The following FBXL7 variants were observed in gnomAD, a reference collection of about 807,000 sequenced individuals.
FBXL7 encodes F-box and leucine rich repeat protein 7, also known as F-box/LRR-repeat protein 7.
A neutral mutation model predicts 38.3 loss-of-function variants in FBXL7; 12 were observed. That is an observed-to-expected ratio of 0.31 (90% CI 0.20 to 0.51). The LOEUF (loss-of-function observed/expected upper bound fraction) is 0.51. Among genes scored for constraint, FBXL7 ranks in the 20% least tolerant of loss-of-function variants. The pLI, the probability that FBXL7 is intolerant of heterozygous loss-of-function variation, is 0.98. For synonymous variants in FBXL7, 297 were observed against 300.9 expected, an observed-to-expected ratio of 0.99 and a Z score of 0.13; for missense variants, 567 against 676.4, an observed-to-expected ratio of 0.84 and a Z score of 1.79.
chr5:15,522,912 T>C (rs1737141101), intron 1 of FBXL7, among the ~76,000 whole-genome samples: 1 of 152,246 alleles, frequency 6.6e-6, no homozygotes, highest in Non-Finnish European at 1.5e-5. Flanking sequence ...TTCATAGTTA[T>C]TTGACATTCA....
At chr5:15,790,566 C>A (rs985029283) in intron 2 of FBXL7, among the ~76,000 whole-genome samples, 1 of 152,118 alleles carries the variant, frequency 6.6e-6, no homozygotes, top group African/African-American at 2.4e-5. Flanking sequence ...CAGAGGACTG[C>A]GAACCTAGTC....
chr5:15,855,684 T>C (rs1315139996), intron 2 of FBXL7, among the ~76,000 whole-genome samples: 1 of 152,208 alleles, frequency 6.6e-6, no homozygotes, highest in Admixed American at 6.5e-5. Context: ...GCAGATATTT[T>C]GTAATTAGCA....
chr5:15,516,726 T>A (rs1736947400), intron 1 of FBXL7, among the ~76,000 whole-genome samples: 1 of 152,112 alleles, frequency 6.6e-6, no homozygotes, highest in Non-Finnish European at 1.5e-5. Context: ...GTGGTTACCT[T>A]CATGCTGCTG....
At chr5:15,757,722 C>T (rs1294912351) in intron 2 of FBXL7, among the ~76,000 whole-genome samples, 1 of 152,028 alleles carries the variant, frequency 6.6e-6, no homozygotes, top group Non-Finnish European at 1.5e-5. Context: ...ACTAGAATTT[C>T]CATGACCGTT....
At chr5:15,595,746 C>T (rs570699504) in intron 1 of FBXL7, among the ~76,000 whole-genome samples, 16 of 152,218 alleles carry the variant, frequency 1.1e-4, no homozygotes, top group African/African-American at 3.4e-4. Flanking sequence ...AGATGTAAAT[C>T]GAAGTGCATT....
At chr5:15,717,368 A>G (rs561764273) in intron 2 of FBXL7, among the ~76,000 whole-genome samples, 1 of 152,338 alleles carries the variant, frequency 6.6e-6, no homozygotes, top group South Asian at 2.1e-4. Context: ...AAAATGGAGA[A>G]CTGCTCTGAG....
chr5:15,567,561 C>A (rs1406514412), intron 1 of FBXL7, among the ~76,000 whole-genome samples: 1 of 151,516 alleles, frequency 6.6e-6, no homozygotes, highest in Non-Finnish European at 1.5e-5. Context: ...GAACCTTTTG[C>A]CCTTAAGTCT....
chr5:15,584,537 C>G (rs111819092), intron 1 of FBXL7, among the ~76,000 whole-genome samples: 1 of 152,158 alleles, frequency 6.6e-6, no homozygotes, highest in Non-Finnish European at 1.5e-5. Flanking sequence ...CTGAGACCAC[C>G]TCAGCCTGGA....
intron 2 of FBXL7, among the ~76,000 whole-genome samples, chr5:15,719,381 C>A (rs1744133936): frequency 8.1e-6 from 1 of 122,830 alleles, no homozygotes; most frequent in Non-Finnish European, 1.9e-5. Context: ...TTTCTGATAT[C>A]ATGCTAAGTG....
chr5:15,529,085 C>T (rs1054931903), intron 1 of FBXL7, among the ~76,000 whole-genome samples: 2 of 152,154 alleles, frequency 1.3e-5, no homozygotes, highest in African/African-American at 4.8e-5. Context: ...TCCTTCTACC[C>T]CCGGCACCTG....
chr5:15,574,086 C>T (rs1738879516), intron 1 of FBXL7, among the ~76,000 whole-genome samples: 1 of 152,158 alleles, frequency 6.6e-6, no homozygotes, highest in African/African-American at 2.4e-5. Flanking sequence ...TTTCTATTGT[C>T]TATACCTGTC....
intron 1 of FBXL7, among the ~76,000 whole-genome samples, chr5:15,555,213 GACAC>G (rs1167419411): frequency 1.3e-5 from 2 of 152,096 alleles, no homozygotes; most frequent in Non-Finnish European, 1.5e-5. Flanking sequence ...CAGACAGACA[GACAC>G]ACACACCCCC....
chr5:15,666,623 C>T (rs1742288336), intron 2 of FBXL7, among the ~76,000 whole-genome samples: 1 of 152,172 alleles, frequency 6.6e-6, no homozygotes. Context: ...CCATTTTCCA[C>T]AACTTTTCAA....
intron 1 of FBXL7, among the ~76,000 whole-genome samples, chr5:15,602,884 A>G (rs945791302): frequency 3.9e-5 from 6 of 152,188 alleles, no homozygotes; most frequent in Non-Finnish European, 7.3e-5. Flanking sequence ...CCTAGGCTGG[A>G]GTGCAGTGGC....
chr5:15,552,598 C>G (rs760907149), intron 1 of FBXL7, among the ~76,000 whole-genome samples: 2 of 152,196 alleles, frequency 1.3e-5, no homozygotes, highest in Non-Finnish European at 2.9e-5. Context: ...TATTTTTCTC[C>G]TCTGTATCTG....
chr5:15,733,537 G>T lies in FBXL7; in HGVS notation c.127+117465G>T, dbSNP rs1735669839. Among the ~76,000 whole-genome samples the T allele has an allele frequency of 2.0e-5, 3 of 152,124 alleles. No individual in the cohort carries two copies. In the South Asian group the frequency reaches 6.2e-4, roughly 32 times the overall value. On this transcript the variant is annotated intron_variant, in intron 2 of 3. Coordinates refer to ENST00000504595, the MANE Select transcript of FBXL7 (RefSeq NM_012304.5). ...ATGCCATGAATGGAACACTGTACTG[G>T]GAAGAGTTAATGCAACAAAAATGAC...
chr5:15,930,754 C>T (rs1742017540), intron 3 of FBXL7, among the ~76,000 whole-genome samples: 1 of 152,176 alleles, frequency 6.6e-6, no homozygotes, highest in African/African-American at 2.4e-5. Flanking sequence ...AAGTTAAGAA[C>T]ACAGAATCCC....
chr5:15,562,662 C>T (rs969503442), intron 1 of FBXL7, among the ~76,000 whole-genome samples: 1 of 151,906 alleles, frequency 6.6e-6, no homozygotes, highest in African/African-American at 2.4e-5. Context: ...ATCTCTCTCC[C>T]TCAGTTTCTC....
rs1742253799 is a variant in FBXL7, at chr5:15,938,188, A to T, written c.*1002A>T. 6.6e-6 allele frequency: 1 copy of T among 151,918 alleles called. No homozygotes were observed. The highest frequency in any genetic ancestry group is 1.5e-5 in the Non-Finnish European group (1 of 68,010). 9.4% of individuals were successfully genotyped at this position (151,918 alleles called of 1,614,324 possible). ...AAATACTTTCTGCATTCCCCCCTCC[A>T]CACCATCCTAGCGAGGCACCAGCAC... is the stretch of plus-strand genomic sequence containing the variant. On this transcript the variant is annotated 3_prime_UTR_variant, in exon 4 of 4. Coordinates refer to ENST00000504595, the MANE Select transcript of FBXL7 (RefSeq NM_012304.5).
Sources: gnomAD v4.1 joint callset for allele counts (sites outside exome capture counted in the v4.1 genomes callset) on GRCh38, gnomAD v4.1.1 for gene constraint, MANE v1.5 for transcripts, NCBI Gene and HGNC (gene_info 2026-07-23, HGNC 2026-07-21) for gene names.